NAV3: variants seen among roughly 807,000 people sequenced by gnomAD.
NAV3 encodes pore membrane and/or filament interacting like protein 1.
Under a neutral mutation model 244.7 loss-of-function variants are expected in NAV3, and 87 were observed. The observed-to-expected ratio is 0.36, with a 90% CI of 0.30 to 0.42. The LOEUF is 0.42. Ranked by LOEUF, NAV3 falls within the 20% of genes least tolerant of loss-of-function variation. NAV3 has a pLI of 1.00. For synonymous variants in NAV3, 1,126 were observed against 1,042.2 expected (o/e 1.08, Z -1.55); for missense variants, 2,663 against 2,893.3 (o/e 0.92, Z 1.83).
intron 12 of NAV3, among the ~76,000 whole-genome samples, chr12:78,069,694 A>T (rs577603826): frequency 6.6e-6 from 1 of 152,196 alleles, no homozygotes; most frequent in South Asian, 2.1e-4. Flanking sequence ...CAATTAGCAG[A>T]ATCCTATCTG....
chr12:77,599,386 C>A (rs1282233666), intron 2 of NAV3, among the ~76,000 whole-genome samples: 1 of 151,850 alleles, frequency 6.6e-6, no homozygotes, highest in Non-Finnish European at 1.5e-5. Flanking sequence ...GTCCTGGGTG[C>A]AGGGAATATA....
chr12:78,101,542 A>G (rs1017296013), intron 12 of NAV3, among the ~76,000 whole-genome samples: 2 of 152,156 alleles, frequency 1.3e-5, no homozygotes, highest in Non-Finnish European at 2.9e-5. Context: ...CAGTGTTTAT[A>G]TAGACTTAGG....
In NAV3 at chr12:78,158,442, G is replaced by A. The variant is rs145836296; in HGVS notation, c.4786-761G>A. The stretch of plus-strand genomic sequence containing the variant: ...CCTATTTTTGAGCTTTAATAAAATC[G>A]TCAAATACTTCTTAATCTTAAGAGT... On this transcript the variant is annotated intron_variant, in intron 22 of 39. Transcript: ENST00000397909. 3.1e-3 allele frequency among the ~76,000 whole-genome samples: 478 copies of A among 152,116 alleles called. 5 individuals are homozygous for A. Among genetic ancestry groups the A allele is most frequent in the African/African-American group, 0.01 (430 of 41,522 alleles).
intron 1 of NAV3, among the ~76,000 whole-genome samples, chr12:77,870,684 A>G (rs1211114269): frequency 2.6e-5 from 4 of 152,166 alleles, no homozygotes; most frequent in African/African-American, 7.2e-5. Context: ...TGGGAAAAAG[A>G]GACATGTTCA....
chr12:77,893,157 G>C (rs757660680), intron 1 of NAV3, among the ~76,000 whole-genome samples: 1 of 151,982 alleles, frequency 6.6e-6, no homozygotes, highest in Non-Finnish European at 1.5e-5. Context: ...TATAAAATAG[G>C]ATGCAAAGAA....
intron 2 of NAV3, among the ~76,000 whole-genome samples, chr12:77,612,288 G>T (rs1196116352): frequency 1.3e-5 from 2 of 152,108 alleles, no homozygotes; most frequent in Non-Finnish European, 2.9e-5. Context: ...CAATCATTAT[G>T]TGCACTTGTA....
At chr12:77,894,807 C>T (rs2045989) in intron 1 of NAV3, among the ~76,000 whole-genome samples, 57,936 of 151,918 alleles carry the variant, frequency 0.38, 11,634 homozygotes, top group African/African-American at 0.51. Context: ...AGAATGTGGA[C>T]TCAGTGTAGA....
intron 1 of NAV3, among the ~76,000 whole-genome samples, chr12:77,859,744 C>T (rs1339038536): frequency 2.4e-5 from 2 of 85,064 alleles, no homozygotes; most frequent in African/African-American, 4.3e-5. Context: ...AAGCATTTCC[C>T]ATGCTTTCAA....
intron 2 of NAV3, among the ~76,000 whole-genome samples, chr12:77,635,724 T>A (rs1872126290): frequency 1.3e-5 from 2 of 152,206 alleles, no homozygotes; most frequent in Admixed American, 6.5e-5. Flanking sequence ...GCACTTACTA[T>A]GGTCTAGACT....
chr12:77,857,225 C>T (rs1328113616), intron 1 of NAV3, among the ~76,000 whole-genome samples: 1 of 151,938 alleles, frequency 6.6e-6, no homozygotes, highest in Non-Finnish European at 1.5e-5. Context: ...GCTTCTTTGT[C>T]TCTAAAATGA....
At chr12:77,663,908 A>G (rs749265142) in intron 2 of NAV3, among the ~76,000 whole-genome samples, 4 of 152,258 alleles carry the variant, frequency 2.6e-5, no homozygotes, top group Admixed American at 6.5e-5. Flanking sequence ...ATATATGTGT[A>G]CATATTGTTT....
intron 2 of NAV3, among the ~76,000 whole-genome samples, chr12:77,661,884 G>A (rs894457820): frequency 2.0e-5 from 3 of 151,822 alleles, no homozygotes; most frequent in African/African-American, 7.3e-5. Context: ...GTATTTTGTT[G>A]TACATGTACA....
At chr12:77,648,138 A>G (rs981052097) in intron 2 of NAV3, among the ~76,000 whole-genome samples, 5 of 152,166 alleles carry the variant, frequency 3.3e-5, no homozygotes, top group Non-Finnish European at 7.4e-5. Flanking sequence ...GAATATTTCA[A>G]CTTTGTCCAG....
intron 23 of NAV3, among the ~76,000 whole-genome samples, chr12:78,166,524 T>C (rs1357642797): frequency 2.6e-5 from 4 of 151,774 alleles, no homozygotes; most frequent in African/African-American, 7.2e-5. Flanking sequence ...TTTTCATAGA[T>C]AGGATTCTCC....
chr12:77,981,386 G>A (rs1393240622), intron 5 of NAV3, among the ~76,000 whole-genome samples: 1 of 152,024 alleles, frequency 6.6e-6, no homozygotes, highest in African/African-American at 2.4e-5. Flanking sequence ...TTATACTAAA[G>A]AAAGAATTTG....
intron 16 of NAV3, among the ~76,000 whole-genome samples, chr12:78,125,236 C>T (rs972276694): frequency 6.6e-6 from 1 of 151,944 alleles, no homozygotes; most frequent in South Asian, 2.1e-4. Flanking sequence ...AGTTAATTAG[C>T]GATATATAAT....
intron 2 of NAV3, among the ~76,000 whole-genome samples, chr12:77,781,693 C>T (rs1323972602): frequency 1.3e-5 from 2 of 152,182 alleles, no homozygotes; most frequent in South Asian, 2.1e-4. Flanking sequence ...TAGCAAAATA[C>T]ACTTCCTAAA....
chr12:77,985,928 A>G lies in NAV3; in HGVS notation c.672-8875A>G, dbSNP rs577182303. Among the ~76,000 whole-genome samples, 36 of 152,330 alleles carry G rather than the reference A, an allele frequency of 2.4e-4. 1 individual carries two copies. The South Asian group carries it at 7.0e-3, about 30-fold the overall frequency. On this transcript the variant is annotated intron_variant, in intron 5 of 39. Coordinates refer to ENST00000397909, the MANE Select transcript of NAV3 (RefSeq NM_001024383.2). ...CTCTTACATATCTAAGGAAAGATCT[A>G]TCTAATCTGAGAAATTAGTATTTCT...
intron 2 of NAV3, among the ~76,000 whole-genome samples, chr12:77,743,055 G>C (rs1327711991): frequency 1.3e-5 from 2 of 151,984 alleles, no homozygotes; most frequent in Non-Finnish European, 2.9e-5. Context: ...ACCATAGATT[G>C]AGATTTTTGC....
Sources: gnomAD v4.1 joint callset for allele counts (sites outside exome capture counted in the v4.1 genomes callset) on GRCh38, gnomAD v4.1.1 for gene constraint, MANE v1.5 for transcripts, NCBI Gene and HGNC (gene_info 2026-07-23, HGNC 2026-07-21) for gene names.